The following TRAF5 variants were observed in gnomAD, a reference collection of about 807,000 sequenced individuals.
TRAF5 encodes TNF receptor-associated factor 5.
A neutral mutation model predicts 64.5 loss-of-function variants in TRAF5; 48 were observed. That is an observed-to-expected ratio of 0.74 (90% CI 0.59 to 0.95). TRAF5 has a LOEUF of 0.95. Among genes scored for constraint, TRAF5 ranks in the 40% least tolerant of loss-of-function variants. The pLI is 0.00. For synonymous variants in TRAF5, 206 were observed against 240.5 expected, an observed-to-expected ratio of 0.86 and a Z score of 1.33; for missense variants, 545 against 662.8, an observed-to-expected ratio of 0.82 and a Z score of 1.95.
chr1:211,338,431 C>T (rs1702362811), intron 1 of TRAF5, among the ~76,000 whole-genome samples: 1 of 152,118 alleles, frequency 6.6e-6, no homozygotes, highest in Non-Finnish European at 1.5e-5. Flanking sequence ...GTCTGGTAAC[C>T]CACTCTCCTC....
intron 1 of TRAF5, among the ~76,000 whole-genome samples, chr1:211,338,981 A>G (rs982403511): frequency 1.3e-5 from 2 of 152,218 alleles, no homozygotes; most frequent in Admixed American, 1.3e-4. Flanking sequence ...GCTGGTCTCT[A>G]ACCAGTAAGC....
intron 9 of TRAF5, among the ~76,000 whole-genome samples, 195 bp from the exon 10 acceptor site, chr1:211,371,107 A>AGAG (rs1002123409): frequency 1.3e-5 from 2 of 152,216 alleles, no homozygotes; most frequent in Non-Finnish European, 2.9e-5. Flanking sequence ...CTGTGGTAGG[A>AGAG]GAGGAGGAGG....
chr1:211,350,673 A>G (rs984641870), intron 1 of TRAF5, among the ~76,000 whole-genome samples: 1 of 152,206 alleles, frequency 6.6e-6, no homozygotes, highest in Admixed American at 6.5e-5. Context: ...GTGAGAAATG[A>G]TGTGGCTTGG....
chr1:211,356,302 A>G, intron 3 of TRAF5, 65 bp from the exon 4 acceptor site: 1 of 1,387,408 alleles, frequency 7.2e-7, no homozygotes. Flanking sequence ...CCAAATTAGT[A>G]ATAGCTTAAT....
At chr1:211,331,298 G>A (rs1558129457) in intron 1 of TRAF5, among the ~76,000 whole-genome samples, 1 of 152,170 alleles carries the variant, frequency 6.6e-6, no homozygotes, top group Non-Finnish European at 1.5e-5. Context: ...TTTCAATGAT[G>A]GTGTAGTAGA....
rs376419381 is a variant in TRAF5, at chr1:211,372,287, C to T, written c.1259C>T (p.Ala420Val). The T allele has an allele frequency of 8.0e-5, 129 of 1,613,918 alleles. No homozygotes were observed. The highest frequency in any genetic ancestry group is 1.1e-4 in the Non-Finnish European group (126 of 1,180,014). ...VTDYKMKKRE[A>V]VDGHTVSIFS... is the part of the protein sequence containing the mutation. ...GATTACAAGATGAAGAAGAGAGAGG[C>T]GGTGGATGGGCACACAGTGTCCATC... Residue 420 changes from alanine to valine, a missense_variant, in exon 11 of 11, where the codon GCG becomes GTG. Transcript: ENST00000261464.
chr1:211,357,526 T>C (rs1381044719), intron 4 of TRAF5: 2 of 152,220 alleles, frequency 1.3e-5, no homozygotes, highest in African/African-American at 4.8e-5. Flanking sequence ...AACTGGCTTA[T>C]GGAGAGCAGG....
chr1:211,366,429 G>C (rs2102766822), intron 8 of TRAF5, among the ~76,000 whole-genome samples: 1 of 152,260 alleles, frequency 6.6e-6, no homozygotes, highest in South Asian at 2.1e-4. Context: ...TTTGCTGCTA[G>C]GGACACTGAG....
At chr1:211,360,994 C>T (rs1291932215) in intron 6 of TRAF5, 94 bp from the exon 7 acceptor site, 37 of 1,300,556 alleles carry the variant, frequency 2.8e-5, no homozygotes, top group Non-Finnish European at 4.0e-5. Context: ...TCTCCTGGTC[C>T]TTGCCTTCTT....
chr1:211,327,857 A>G (rs1702063714), intron 1 of TRAF5, among the ~76,000 whole-genome samples: 1 of 152,226 alleles, frequency 6.6e-6, no homozygotes, highest in African/African-American at 2.4e-5. Flanking sequence ...CCCACCCTCC[A>G]TAGCCTTGGG....
At chr1:211,331,858 G>A (rs1422722167) in intron 1 of TRAF5, among the ~76,000 whole-genome samples, 1 of 152,154 alleles carries the variant, frequency 6.6e-6, no homozygotes, top group Non-Finnish European at 1.5e-5. Context: ...GTAGAGATGG[G>A]GTTTCACCAT....
intron 8 of TRAF5, chr1:211,369,111 G>A (rs1424145759): frequency 2.6e-5 from 4 of 156,858 alleles, no homozygotes; most frequent in Middle Eastern, 6.5e-3. Flanking sequence ...TGAGATTACA[G>A]GGGCCTGGCT....
At chr1:211,363,859 C>T (rs1703262334) in intron 7 of TRAF5, among the ~76,000 whole-genome samples, 1 of 141,592 alleles carries the variant, frequency 7.1e-6, no homozygotes, top group African/African-American at 2.7e-5. Context: ...TGCAGTGAGC[C>T]AAGGTCATGC....
intron 9 of TRAF5, 30 bp from the exon 10 acceptor site, chr1:211,371,272 T>A: frequency 5.8e-6 from 9 of 1,543,794 alleles, no homozygotes; most frequent in Non-Finnish European, 7.8e-6. Context: ...ACTAATTTTT[T>A]AAACATGATT....
chr1:211,326,735 C>G (rs866795040), upstream of TRAF5: 1 of 985,842 alleles, frequency 1.0e-6, no homozygotes, highest in Non-Finnish European at 1.2e-6. The surrounding 1 kb of genome is among the most constrained non-coding windows in gnomAD (Gnocchi z 5.0). Context: ...CCTTCCTGCG[C>G]GTCCGCTCTT....
In TRAF5 at chr1:211,372,337, C is replaced by T. The variant is rs760575472; in HGVS notation, c.1309C>T (p.Arg437Cys). 5.6e-5 allele frequency: 91 copies of T among 1,614,072 alleles called. No homozygotes were observed. The highest frequency in any genetic ancestry group is 4.9e-4 in the Middle Eastern group (3 of 6,062). ...CTTCAGCCAGTCCTTCTACACCAGC[C>T]GCTGTGGCTACCGGCTCTGTGCTAG... ...SIFSQSFYTS[R>C]CGYRLCARAY... The change falls in exon 11 of 11, where the codon CGC becomes TGC. Residue 437 changes from arginine to cysteine, a missense_variant. Transcript: ENST00000261464.
intron 7 of TRAF5, among the ~76,000 whole-genome samples, chr1:211,364,542 C>T (rs1239107101): frequency 6.6e-6 from 1 of 151,974 alleles, no homozygotes; most frequent in African/African-American, 2.4e-5. Flanking sequence ...AAAAATTAGC[C>T]AGGCATGGTG....
chr1:211,329,609 G>C (rs1353161767), intron 1 of TRAF5, among the ~76,000 whole-genome samples: 6 of 152,172 alleles, frequency 3.9e-5, no homozygotes, highest in Non-Finnish European at 5.9e-5. Flanking sequence ...AAGGAAGCCA[G>C]GATTCTGGGC....
rs367768103 is a variant in TRAF5, at chr1:211,369,548, G to A, written c.886G>A (p.Ala296Thr). The change falls in exon 9 of 11, where the codon GCA becomes ACA. Residue 296 changes from alanine to threonine, a missense_variant. By Grantham distance (58) the Ala-to-Thr change is moderately conservative. Coordinates refer to ENST00000261464, the MANE Select transcript of TRAF5 (RefSeq NM_001033910.3). ...KKLEKEFKQF[A>T]QLFGKNGSFL... Reference sequence around the variant, plus strand: ...ACTTGAAAAGGAGTTCAAGCAGTTTGCACAGTTGTTTGGCAAAAATGGAAG... The same window carrying A: ...ACTTGAAAAGGAGTTCAAGCAGTTTACACAGTTGTTTGGCAAAAATGGAAG... 5.0e-5 allele frequency: 80 copies of A among 1,604,794 alleles called. No homozygotes were observed. Among genetic ancestry groups the A allele is most frequent in the Non-Finnish European group, 6.6e-5 (78 of 1,176,980 alleles).
Sources: gnomAD v4.1 joint callset for allele counts (sites outside exome capture counted in the v4.1 genomes callset) on GRCh38, gnomAD v4.1.1 for gene constraint, Gnocchi (gnomAD v3.1) non-coding constraint, MANE v1.5 for transcripts, NCBI Gene and HGNC (gene_info 2026-07-23, HGNC 2026-07-21) for gene names.